APOBEC3B: variants seen among roughly 807,000 people sequenced by gnomAD.
APOBEC3B encodes the protein apolipoprotein B mRNA editing enzyme catalytic subunit 3B, also known as DNA dC->dU-editing enzyme APOBEC-3B.
Under a neutral mutation model 53.4 loss-of-function variants are expected in APOBEC3B, and 29 were observed. The observed-to-expected ratio is 0.54, with a 90% CI of 0.40 to 0.74. The LOEUF is 0.74. Among genes scored for constraint, APOBEC3B ranks in the 30% least tolerant of loss-of-function variants. The pLI, the probability that APOBEC3B is intolerant of heterozygous loss-of-function variation, is 0.00. For synonymous variants in APOBEC3B, 132 were observed against 184.8 expected (o/e 0.71, Z 2.32); for missense variants, 347 against 496.2 (o/e 0.70, Z 2.86).
chr22:38,986,942 G>C (rs1162038504), intron 4 of APOBEC3B, among the ~76,000 whole-genome samples: 1 of 29,254 alleles, frequency 3.4e-5, no homozygotes, highest in Non-Finnish European at 6.7e-5. Context: ...GCTGGGGACG[G>C]GGGGGGTCCC....
Position 38,989,550 on chromosome 22 carries a change from G to A in APOBEC3B, c.663G>A (p.Glu221=). Residue 221 remains glutamate, a synonymous_variant, in exon 5 of 8, where the codon GAG becomes GAA. Transcript: ENST00000333467. ...AGACCTACTTGTGCTATGAGGTGGA[G>A]CGCCTGGACAATGGCACCTGGGTCC... ...RRQTYLCYEV[E]RLDNGTWVLM... The A allele has an allele frequency of 5.7e-6, 9 of 1,589,658 alleles. 2 individuals are homozygous for A. Among genetic ancestry groups the A allele is most frequent in the Non-Finnish European group, 7.7e-6 (9 of 1,169,880 alleles).
Position 38,985,679 on chromosome 22 carries a change from G to A in APOBEC3B, c.175-133G>A, listed in dbSNP as rs566589712. On this transcript the variant is annotated intron_variant, in intron 2 of 7. Coordinates refer to ENST00000333467, the MANE Select transcript of APOBEC3B (RefSeq NM_004900.5). ...CAGACAATCACTCAAACTAAACAGGGGGGATGGAGGAAAGGAGCTTCAATG... is the reference window on the plus strand; with the variant it reads ...CAGACAATCACTCAAACTAAACAGGAGGGATGGAGGAAAGGAGCTTCAATG... The A allele has an allele frequency of 1.2e-3, 916 of 766,376 alleles. 39 individuals carry two copies. In the African/African-American group the frequency reaches 0.015, roughly 13 times the overall value. 47.5% of individuals were successfully genotyped at this position (766,376 alleles called of 1,614,324 possible). A position where few individuals can be genotyped will look rare whatever the true frequency, so the allele number is the denominator to read the frequency against.
intron 2 of APOBEC3B, among the ~76,000 whole-genome samples, chr22:38,985,427 G>T (rs1923695589): frequency 6.7e-6 from 1 of 148,196 alleles, no homozygotes; most frequent in Non-Finnish European, 1.5e-5. Flanking sequence ...GGGATGTCGA[G>T]TCACAGCTGC....
intron 6 of APOBEC3B, 138 bp from the exon 7 acceptor site, chr22:38,991,896 G>C (rs1924016481): frequency 7.4e-7 from 1 of 1,360,496 alleles, no homozygotes; most frequent in African/African-American, 1.5e-5. Flanking sequence ...TGATGAAGGA[G>C]CTAAGTCCCT....
chr22:38,987,835 G>A (rs60742018), intron 4 of APOBEC3B, among the ~76,000 whole-genome samples: 1,776 of 148,564 alleles, frequency 0.012, 96 homozygotes, highest in African/African-American at 0.042. Flanking sequence ...GGTGGCTTAT[G>A]CCTATAATCC....
Position 38,992,434 on chromosome 22 carries a change from C to T in APOBEC3B, c.1138C>T (p.Gln380Ter), listed in dbSNP as rs562667270. ...SGRLRAILQN[Q>*]GN Reference sequence around the variant, plus strand: ...TTCAACCCCCCTGCTCTTCCAGAATCAGGGAAACTGAAGGATGGGCCTCAG... The same window carrying T: ...TTCAACCCCCCTGCTCTTCCAGAATTAGGGAAACTGAAGGATGGGCCTCAG... Residue 380 changes from glutamine to a stop codon, truncating the protein, a stop_gained, in exon 8 of 8, where the codon CAG (glutamine) becomes TAG (stop). Coordinates refer to ENST00000333467, the MANE Select transcript of APOBEC3B (RefSeq NM_004900.5). LOFTEE classifies it high-confidence loss of function. 7.5e-6 allele frequency: 12 copies of T among 1,602,596 alleles called. No homozygotes were observed. The African/African-American group carries it at 1.3e-4, about 18-fold the overall frequency.
rs1923994631 is a variant in APOBEC3B, at chr22:38,991,499, T to C, written c.891T>C (p.Leu297=). Residue 297 remains leucine, a synonymous_variant, in exon 6 of 8, where the codon CTT becomes CTC. Coordinates refer to ENST00000333467, the MANE Select transcript of APOBEC3B (RefSeq NM_004900.5). ...GTGCCGGGGAAGTGCGTGCGTTCCT[T>C]CAGGAGAACACACACGTGAGACTGC... ...WGCAGEVRAF[L]QENTHVRLRI... The C allele has an allele frequency of 1.3e-6, 2 of 1,593,734 alleles. No individual in the cohort carries two copies. Among genetic ancestry groups the C allele is most frequent in the African/African-American group, 2.7e-5 (2 of 74,432 alleles).
intron 4 of APOBEC3B, among the ~76,000 whole-genome samples, chr22:38,988,727 T>TTCTTTCTTTCTC (rs1569039123): frequency 4.4e-5 from 5 of 114,296 alleles, no homozygotes; most frequent in East Asian, 3.3e-4. Flanking sequence ...CTTTCTTTCT[T>TTCTTTCTTTCTC]TCTTTCTTTC....
At chr22:38,983,230 A>G (rs1923602895) in intron 1 of APOBEC3B, among the ~76,000 whole-genome samples, 1 of 147,964 alleles carries the variant, frequency 6.8e-6, no homozygotes, top group Non-Finnish European at 1.5e-5. Flanking sequence ...AGGCAGGAGA[A>G]TTGCTTGAAC....
intron 2 of APOBEC3B, among the ~76,000 whole-genome samples, chr22:38,984,966 A>G (rs1923679464): frequency 7.5e-6 from 1 of 132,796 alleles, no homozygotes; most frequent in African/African-American, 2.8e-5. Context: ...CAATTGCACA[A>G]TCTTGGCTCA....
intron 4 of APOBEC3B, 79 bp from the exon 5 acceptor site, chr22:38,989,378 T>G: frequency 4.5e-6 from 6 of 1,325,304 alleles, no homozygotes; most frequent in East Asian, 5.8e-5. Flanking sequence ...AGGGAAGGAG[T>G]GGGGGGTGCA....
At position 38,991,443 on chromosome 22, in the gene APOBEC3B, A is replaced by T. The variant is rs1295131602; in HGVS notation, c.835A>T (p.Ile279Phe). 3 of 1,588,922 alleles carry T rather than the reference A, an allele frequency of 1.9e-6. No homozygotes were observed. The African/African-American group carries it at 4.0e-5, about 21-fold the overall frequency. Residue 279 changes from isoleucine (I) to phenylalanine (F), a missense_variant, in exon 6 of 8, where the codon ATC (isoleucine) becomes TTC (phenylalanine). Around this residue, in one of 5 missense-constraint regions of APOBEC3B, gnomAD observed 20 missense variants for 83.9 expected, o/e 0.24. Coordinates refer to ENST00000333467, the MANE Select transcript of APOBEC3B (RefSeq NM_004900.5). ...CCAGATCTACAGGGTCACTTGGTTC[A>T]TCTCCTGGAGCCCCTGCTTCTCCTG... ...PAQIYRVTWF[I>F]SWSPCFSWGC...
intron 4 of APOBEC3B, 97 bp from the exon 5 acceptor site, chr22:38,989,360 T>G: frequency 8.2e-7 from 1 of 1,215,464 alleles, no homozygotes; most frequent in Non-Finnish European, 1.1e-6. Context: ...CCTCAGTATA[T>G]GGGGAGCAGG....
intron 7 of APOBEC3B, 112 bp from the exon 8 acceptor site, chr22:38,992,319 C>A (rs558255728): frequency 1.3e-6 from 2 of 1,536,296 alleles, no homozygotes; most frequent in Non-Finnish European, 1.8e-6. Flanking sequence ...TCTTTCCCAC[C>A]TCCCGCATCC....
Position 38,992,732 on chromosome 22 carries a change from G to C in APOBEC3B, c.*287G>C. 1.3e-6 allele frequency: 1 copy of C among 793,474 alleles called. No homozygotes were observed. The allele number at this position is 793,474 out of a possible 1,614,324, so 49.2% of individuals were successfully genotyped here. On this transcript the variant is annotated 3_prime_UTR_variant, in exon 8 of 8. Transcript: ENST00000333467. ...AAGTGATTAATTGGCTCCATATTTA[G>C]ACTAATAAAACATTAAGAATCTTCC...
chr22:38,987,215 T>C (rs1299704829), intron 4 of APOBEC3B, among the ~76,000 whole-genome samples: 2 of 148,870 alleles, frequency 1.3e-5, no homozygotes, highest in African/African-American at 2.4e-5. Context: ...ATGGGGCCTC[T>C]GCTGCCCTTT....
At chr22:38,987,834 T>C (rs1035511500) in intron 4 of APOBEC3B, among the ~76,000 whole-genome samples, 1 of 148,558 alleles carries the variant, frequency 6.7e-6, no homozygotes, top group Non-Finnish European at 1.5e-5. Context: ...CGGTGGCTTA[T>C]GCCTATAATC....
In APOBEC3B at chr22:38,991,588, G is replaced by A. The variant is rs574507100; in HGVS notation, c.980G>A (p.Arg327Gln). Residue 327 changes from arginine to glutamine, a missense_variant, in exon 6 of 8, where the codon CGG becomes CAG. Arg to Gln is a conservative substitution (Grantham distance 43). Around this residue, in one of 5 missense-constraint regions of APOBEC3B, gnomAD observed 78 missense variants for 103.9 expected, o/e 0.75. Coordinates refer to ENST00000333467, the MANE Select transcript of APOBEC3B (RefSeq NM_004900.5). ...TATAAGGAGGCGCTGCAAATGCTGC[G>A]GGATGCTGGGGCCCAAGTCTCCATC... ...PLYKEALQML[R>Q]DAGAQVSIMT... 3.6e-5 allele frequency: 57 copies of A among 1,591,934 alleles called. 3 individuals carry two copies. Among genetic ancestry groups the A allele is most frequent in the South Asian group, 6.8e-5 (6 of 88,672 alleles).
intron 2 of APOBEC3B, among the ~76,000 whole-genome samples, chr22:38,984,933 G>A (rs1237859112): frequency 2.6e-5 from 3 of 113,488 alleles, no homozygotes; most frequent in Non-Finnish European, 4.9e-5. Context: ...ATGGAGTCTC[G>A]CTCTGGCACC....
Sources: gnomAD v4.1 joint callset for allele counts (sites outside exome capture counted in the v4.1 genomes callset) on GRCh38, gnomAD v4.1.1 for gene constraint, gnomAD v4.1.1 regional missense constraint, MANE v1.5 for transcripts, NCBI Gene and HGNC (gene_info 2026-07-23, HGNC 2026-07-21) for gene names.